RAB23: variants seen among roughly 807,000 people sequenced by gnomAD.
RAB23 encodes ras-related protein Rab-23.
A neutral mutation model predicts 30.0 loss-of-function variants in RAB23; 15 were observed. The ratio of observed to expected loss-of-function variants is 0.50; its 90% confidence interval spans 0.33 to 0.77. RAB23 has a LOEUF of 0.77. RAB23 is among the 30% of genes least tolerant of loss of function. The probability of loss-of-function intolerance (pLI) is 0.02; values close to 1 mark genes in which losing one functional copy is unlikely to be tolerated. For synonymous variants in RAB23, 93 were observed against 94.0 expected, an observed-to-expected ratio of 0.99 and a Z score of 0.06; for missense variants, 243 against 275.4, an observed-to-expected ratio of 0.88 and a Z score of 0.83.
chr6:57,195,611 A>AC (rs1764993153), intron 4 of RAB23, among the ~76,000 whole-genome samples: 1 of 152,134 alleles, frequency 6.6e-6, no homozygotes, highest in Non-Finnish European at 1.5e-5. Context: ...TTCTTGGATC[A>AC]CCCACTCTGG....
chr6:57,194,976 T>G (rs1165099323), intron 4 of RAB23, 124 bp from the exon 5 acceptor site: 6 of 704,136 alleles, frequency 8.5e-6, no homozygotes, highest in Non-Finnish European at 1.5e-5. Context: ...GTGGATCAGA[T>G]CTTTCAGAAA....
At chr6:57,192,103 CA>C (rs768810545) in intron 6 of RAB23, among the ~76,000 whole-genome samples, 2 of 152,218 alleles carry the variant, frequency 1.3e-5, no homozygotes, top group South Asian at 2.1e-4. Context: ...TTCAACCTCC[CA>C]AATAGCTGGG....
chr6:57,213,110 T>A (rs912225874), intron 1 of RAB23, among the ~76,000 whole-genome samples: 2 of 152,074 alleles, frequency 1.3e-5, no homozygotes, highest in Non-Finnish European at 2.9e-5. Flanking sequence ...TAGATTCTCA[T>A]AAGGATATAA....
At chr6:57,191,404 C>T (rs1483113447) in intron 6 of RAB23, among the ~76,000 whole-genome samples, 2 of 152,130 alleles carry the variant, frequency 1.3e-5, no homozygotes, top group African/African-American at 4.8e-5. Context: ...CATCTTTTGA[C>T]TTAACAATTT....
At chr6:57,204,504 A>AGAG (rs1593218995) in intron 3 of RAB23, among the ~76,000 whole-genome samples, 2 of 152,320 alleles carry the variant, frequency 1.3e-5, no homozygotes, top group East Asian at 3.9e-4. Context: ...GGATGTTTAA[A>AGAG]GAGACTTTGA....
At chr6:57,201,582 T>C (rs750685016) in intron 3 of RAB23, among the ~76,000 whole-genome samples, 2 of 152,316 alleles carry the variant, frequency 1.3e-5, no homozygotes, top group Non-Finnish European at 2.9e-5. Context: ...AAACCTGGTA[T>C]AAAAACGTTC....
chr6:57,210,496 A>G, intron 1 of RAB23, 51 bp from the exon 2 acceptor site: 6 of 1,152,994 alleles, frequency 5.2e-6, no homozygotes, highest in Non-Finnish European at 7.7e-6. Flanking sequence ...TGTACAAAAT[A>G]AACTAATTGT....
At chr6:57,216,594 G>C (rs1026876034) in intron 1 of RAB23, among the ~76,000 whole-genome samples, 1 of 152,186 alleles carries the variant, frequency 6.6e-6, no homozygotes, top group Non-Finnish European at 1.5e-5. Context: ...ATTCAAGGGT[G>C]AGCCGACAGA....
At chr6:57,206,851 T>A (rs1269778179) in intron 3 of RAB23, among the ~76,000 whole-genome samples, 2 of 152,196 alleles carry the variant, frequency 1.3e-5, no homozygotes, top group East Asian at 3.8e-4. Context: ...AGTATATCAG[T>A]TGTGCCTTTT....
intron 3 of RAB23, among the ~76,000 whole-genome samples, chr6:57,199,148 A>G (rs12195875): frequency 0.2 from 30,854 of 152,186 alleles, 3,326 homozygotes; most frequent in African/African-American, 0.26. Flanking sequence ...GCTGTGGAGA[A>G]CAGTTCCTGT....
chr6:57,211,055 A>T (rs1765634264), intron 1 of RAB23, among the ~76,000 whole-genome samples: 1 of 152,246 alleles, frequency 6.6e-6, no homozygotes, highest in African/African-American at 2.4e-5. Flanking sequence ...TACTAAAAGT[A>T]CTGTATAAAA....
intron 3 of RAB23, among the ~76,000 whole-genome samples, chr6:57,204,961 T>C (rs1032608048): frequency 6.6e-6 from 1 of 151,772 alleles, no homozygotes; most frequent in Non-Finnish European, 1.5e-5. Flanking sequence ...GATATATGTG[T>C]ATATACACAT....
intron 3 of RAB23, among the ~76,000 whole-genome samples, chr6:57,201,633 GTTTC>G (rs996200130): frequency 2.0e-5 from 3 of 152,100 alleles, no homozygotes; most frequent in African/African-American, 2.4e-5. Context: ...CCTTATGAAG[GTTTC>G]TTTGTCACAT....
At chr6:57,210,869 A>G (rs879770952) in intron 1 of RAB23, among the ~76,000 whole-genome samples, 3 of 152,212 alleles carry the variant, frequency 2.0e-5, no homozygotes, top group Non-Finnish European at 4.4e-5. Context: ...TAGCATAGTG[A>G]AAGTTATGCA....
At position 57,210,289 on chromosome 6, in the gene RAB23, T is replaced by C; in HGVS notation, c.92A>G (p.Lys31Arg). The change falls in exon 2 of 7, where the codon AAA becomes AGA. Residue 31 changes from lysine to arginine, a missense_variant. Lys to Arg is a conservative substitution (Grantham distance 26). Transcript: ENST00000468148. ...CTTGTAGTCTTTTGTAAAAATGCCT[T>C]TGCAATATCGCTGAATCATACTTGA... Reference protein sequence around the residue: ...GKSSMIQRYCKGIFTKDYKKT... With the variant: ...GKSSMIQRYCRGIFTKDYKKT... The C allele has an allele frequency of 6.2e-7, 1 of 1,614,084 alleles. No individual in the cohort carries two copies. Among genetic ancestry groups the C allele is most frequent in the Non-Finnish European group, 8.5e-7 (1 of 1,179,936 alleles).
chr6:57,219,652 G>C (rs1028170579), intron 1 of RAB23, among the ~76,000 whole-genome samples: 1 of 152,136 alleles, frequency 6.6e-6, no homozygotes, highest in Non-Finnish European at 1.5e-5. Context: ...GCCCAAAATA[G>C]ACCCTCACAA....
chr6:57,196,520 C>A lies in RAB23; in HGVS notation c.328G>T (p.Glu110Ter). 1 of 1,614,006 alleles carries A rather than the reference C, an allele frequency of 6.2e-7. No individual in the cohort carries two copies. Among genetic ancestry groups the A allele is most frequent in the Non-Finnish European group, 8.5e-7 (1 of 1,179,944 alleles). Residue 110 changes from glutamate to a stop codon, truncating the protein, a stop_gained, in exon 4 of 7, where the codon GAA becomes TAA. Transcript: ENST00000468148. LOFTEE classifies it high-confidence loss of function. ...AGTACAGTTGGTATATCTCCCACTT[C>A]GGCTACTACTTTCTCTCTCCAACTG... ...VSSWREKVVA[E>*]VGDIPTVLVQ...
chr6:57,210,410 C>G lies in RAB23; in HGVS notation c.-30G>C. 1 of 1,608,288 alleles carries G rather than the reference C, an allele frequency of 6.2e-7. No individual in the cohort carries two copies. The highest frequency in any genetic ancestry group is 8.5e-7 in the Non-Finnish European group (1 of 1,175,070). Reference sequence around the variant, plus strand: ...GGAGCTGAAATGGTTTCTGTACCAACTCTAATTCTAGGAGATCAGATCTTC... The same window carrying G: ...GGAGCTGAAATGGTTTCTGTACCAAGTCTAATTCTAGGAGATCAGATCTTC... On this transcript the variant is annotated 5_prime_UTR_variant, in exon 2 of 7. Coordinates refer to ENST00000468148, the MANE Select transcript of RAB23 (RefSeq NM_016277.5).
chr6:57,192,374 A>G (rs1317871672), intron 6 of RAB23, among the ~76,000 whole-genome samples: 1 of 152,252 alleles, frequency 6.6e-6, no homozygotes, highest in Admixed American at 6.5e-5. Context: ...AAGGTGACTA[A>G]GACCAGTTCT....
Sources: allele counts gnomAD v4.1 joint callset (sites outside exome capture counted in the v4.1 genomes callset), GRCh38; gene constraint gnomAD v4.1.1; transcripts MANE v1.5; gene names NCBI Gene and HGNC (gene_info 2026-07-23, HGNC 2026-07-21).